Variants in PAPPA2 observed in about 807,000 individuals in gnomAD.
The protein encoded by PAPPA2 is pappalysin 2.
Under a neutral mutation model 176.4 loss-of-function variants are expected in PAPPA2, and 86 were observed. The observed-to-expected ratio is 0.49, with a 90% CI of 0.41 to 0.58. The LOEUF is 0.58. Among genes scored for constraint, PAPPA2 ranks in the 20% least tolerant of loss-of-function variants. The pLI is 0.00. For synonymous variants in PAPPA2, 809 were observed against 852.2 expected, an observed-to-expected ratio of 0.95 and a Z score of 0.88; for missense variants, 2,073 against 2,256.9, an observed-to-expected ratio of 0.92 and a Z score of 1.65.
chr1:176,620,578 T>G (rs1322048936), intron 3 of PAPPA2, among the ~76,000 whole-genome samples: 2 of 152,230 alleles, frequency 1.3e-5, no homozygotes, highest in Non-Finnish European at 2.9e-5. Context: ...CATATTATTG[T>G]TGTAGTATGA....
intron 4 of PAPPA2, among the ~76,000 whole-genome samples, chr1:176,681,981 T>C (rs1167109459): frequency 6.6e-6 from 1 of 152,074 alleles, no homozygotes; most frequent in East Asian, 1.9e-4. Flanking sequence ...GCAGCAGCAG[T>C]ATAGGTGGCA....
At chr1:176,828,127 C>G (rs1666928093) in intron 21 of PAPPA2, among the ~76,000 whole-genome samples, 1 of 152,084 alleles carries the variant, frequency 6.6e-6, no homozygotes, top group South Asian at 2.1e-4. Flanking sequence ...GGCCTGAACA[C>G]CAGACAATGG....
At chr1:176,637,353 CTGGGTGCAGGA>C (rs1656763509) in intron 3 of PAPPA2, among the ~76,000 whole-genome samples, 1 of 152,122 alleles carries the variant, frequency 6.6e-6, no homozygotes, top group Non-Finnish European at 1.5e-5. Flanking sequence ...TAATTTACAG[CTGGGTGCAGGA>C]TGGGTTGGAG....
chr1:176,475,257 G>A (rs1196151802), intron 1 of PAPPA2, among the ~76,000 whole-genome samples: 1 of 152,160 alleles, frequency 6.6e-6, no homozygotes, highest in African/African-American at 2.4e-5. Context: ...AGAGTAGGTG[G>A]TCAATAAATA....
At chr1:176,771,387 A>G (rs961468963) in intron 17 of PAPPA2, among the ~76,000 whole-genome samples, 3 of 152,196 alleles carry the variant, frequency 2.0e-5, no homozygotes, top group African/African-American at 7.2e-5. Context: ...TTCTGCCCTA[A>G]TGATCGCTTT....
chr1:176,813,750 G>T (rs184504267), intron 21 of PAPPA2, among the ~76,000 whole-genome samples: 1 of 152,304 alleles, frequency 6.6e-6, no homozygotes, highest in East Asian at 1.9e-4. Flanking sequence ...TGTTGACTCT[G>T]ATGATAGTAT....
chr1:176,822,483 G>A lies in PAPPA2; in HGVS notation c.5203-17690G>A, dbSNP rs377739474. Among the ~76,000 whole-genome samples the A allele has an allele frequency of 7.9e-5, 12 of 152,208 alleles. No homozygotes were observed. In the East Asian group the frequency reaches 1.7e-3, roughly 22 times the overall value. ...ACTCCCACAAATTTGATTGATTTTT[G>A]TATATATTTAATTCCAGTAAAATTC... is the stretch of plus-strand genomic sequence containing the variant. On this transcript the variant is annotated intron_variant, in intron 21 of 22. Transcript: ENST00000367662.
intron 12 of PAPPA2, among the ~76,000 whole-genome samples, chr1:176,732,762 C>T (rs770381493): frequency 3.3e-5 from 5 of 152,068 alleles, no homozygotes; most frequent in Admixed American, 6.6e-5. Flanking sequence ...AAGACTGTTA[C>T]CTTAGCATTT....
intron 3 of PAPPA2, among the ~76,000 whole-genome samples, chr1:176,608,385 C>T (rs1654729793): frequency 6.6e-6 from 1 of 152,110 alleles, no homozygotes; most frequent in Non-Finnish European, 1.5e-5. Flanking sequence ...CTGACAATTG[C>T]CTAGGGCACT....
chr1:176,657,860 A>G lies in PAPPA2; in HGVS notation c.1992-13110A>G, dbSNP rs555122870. ...GTAAATAAGGCATTGCATGGCTAAC[A>G]TCCTAATAGGGGATTCTACAGCAGG... On this transcript the variant is annotated intron_variant, in intron 3 of 22. Coordinates refer to ENST00000367662, the MANE Select transcript of PAPPA2 (RefSeq NM_020318.3). 1.9e-4 allele frequency among the ~76,000 whole-genome samples: 29 copies of G among 152,126 alleles called. No homozygotes were observed. The South Asian group carries it at 6.0e-3, about 32-fold the overall frequency.
At chr1:176,524,897 T>C (rs1259053157) in intron 1 of PAPPA2, among the ~76,000 whole-genome samples, 4 of 151,962 alleles carry the variant, frequency 2.6e-5, no homozygotes, top group Non-Finnish European at 5.9e-5. Context: ...ATAAAATTAG[T>C]CGGGCGTGAT....
chr1:176,486,816 G>C (rs1652665139), intron 1 of PAPPA2, among the ~76,000 whole-genome samples: 1 of 152,154 alleles, frequency 6.6e-6, no homozygotes, highest in Non-Finnish European at 1.5e-5. Flanking sequence ...CACACTTGAA[G>C]TTCAGGAGGT....
chr1:176,824,208 A>C (rs1479689646), intron 21 of PAPPA2, among the ~76,000 whole-genome samples: 1 of 152,236 alleles, frequency 6.6e-6, no homozygotes, highest in African/African-American at 2.4e-5. Context: ...TGTGGGGAAC[A>C]AAAAGACCTG....
Position 176,775,482 on chromosome 1 carries a change from A to G in PAPPA2, c.4715+4302A>G, listed in dbSNP as rs537266955. ...GAAAGAAAGCTCATTCTTCAAAGAC[A>G]GTTTCAATTTTATTTATTCAACAGA... is the stretch of plus-strand genomic sequence containing the variant. On this transcript the variant is annotated intron_variant, in intron 17 of 22. Coordinates refer to ENST00000367662, the MANE Select transcript of PAPPA2 (RefSeq NM_020318.3). Among the ~76,000 whole-genome samples, 29 of 152,310 alleles carry G rather than the reference A, an allele frequency of 1.9e-4. 1 individual carries two copies. In the South Asian group the frequency reaches 5.8e-3, roughly 31 times the overall value.
intron 4 of PAPPA2, among the ~76,000 whole-genome samples, chr1:176,684,466 T>C (rs1659738231): frequency 6.6e-6 from 1 of 152,116 alleles, no homozygotes; most frequent in Non-Finnish European, 1.5e-5. Context: ...ATTTCTTTTT[T>C]CTTCCTGTTT....
At chr1:176,657,768 A>T (rs1192734668) in intron 3 of PAPPA2, among the ~76,000 whole-genome samples, 1 of 151,810 alleles carries the variant, frequency 6.6e-6, no homozygotes, top group Non-Finnish European at 1.5e-5. Context: ...CTGTGTGGTT[A>T]TGTAGATCTG....
At chr1:176,597,576 C>T (rs1003136073) in intron 3 of PAPPA2, among the ~76,000 whole-genome samples, 3 of 151,972 alleles carry the variant, frequency 2.0e-5, no homozygotes, top group African/African-American at 7.3e-5. Flanking sequence ...GGAGAAACAC[C>T]TAATGTAGAT....
At chr1:176,543,959 C>T (rs2102570423) in intron 1 of PAPPA2, among the ~76,000 whole-genome samples, 1 of 152,332 alleles carries the variant, frequency 6.6e-6, no homozygotes, top group East Asian at 1.9e-4. Flanking sequence ...GTCTGAGTCA[C>T]TGAATCACCA....
chr1:176,709,599 G>A (rs1408450837), intron 10 of PAPPA2, among the ~76,000 whole-genome samples: 2 of 152,132 alleles, frequency 1.3e-5, no homozygotes, highest in Admixed American at 6.5e-5. Context: ...GATTTATTTA[G>A]ATTCCTTTCT....
Sources: allele counts gnomAD v4.1 joint callset (sites outside exome capture counted in the v4.1 genomes callset), GRCh38; gene constraint gnomAD v4.1.1; transcripts MANE v1.5; gene names NCBI Gene and HGNC (gene_info 2026-07-23, HGNC 2026-07-21).